DNER: variants seen among roughly 807,000 people sequenced by gnomAD.
DNER encodes the protein delta/notch like EGF repeat containing.
In DNER, 33 loss-of-function variants were observed where a neutral mutation model predicts 78.2. That is an observed-to-expected ratio of 0.42 (90% CI 0.32 to 0.56). DNER has a LOEUF of 0.56. Ranked by LOEUF, DNER falls within the 20% of genes least tolerant of loss-of-function variation. The probability of loss-of-function intolerance (pLI) is 0.11; values close to 1 mark genes in which losing one functional copy is unlikely to be tolerated. For synonymous variants in DNER, 417 were observed against 384.8 expected (o/e 1.08, Z -0.98); for missense variants, 918 against 975.3 (o/e 0.94, Z 0.78).
At chr2:229,396,074 A>G (rs60861204) in intron 10 of DNER, among the ~76,000 whole-genome samples, 5,118 of 152,286 alleles carry the variant, frequency 0.034, 133 homozygotes, top group African/African-American at 0.073. Context: ...TTGGATTGAC[A>G]GTCTAAAGGG....
At chr2:229,621,198 C>T (rs1486982904) in intron 1 of DNER, among the ~76,000 whole-genome samples, 2 of 152,168 alleles carry the variant, frequency 1.3e-5, no homozygotes, top group African/African-American at 4.8e-5. Context: ...TACATGAGTA[C>T]GCCTACCATC....
chr2:229,451,938 A>G (rs1452000850), intron 7 of DNER, among the ~76,000 whole-genome samples: 1 of 152,252 alleles, frequency 6.6e-6, no homozygotes, highest in East Asian at 1.9e-4. Context: ...AGAATAGTCC[A>G]AGTAGAAATA....
At chr2:229,487,968 G>A (rs1404067944) in intron 6 of DNER, among the ~76,000 whole-genome samples, 1 of 152,224 alleles carries the variant, frequency 6.6e-6, no homozygotes, top group Non-Finnish European at 1.5e-5. Flanking sequence ...CACTGACATG[G>A]CATCTTCAAA....
At chr2:229,554,388 TC>T (rs1696807886) in intron 4 of DNER, among the ~76,000 whole-genome samples, 2 of 152,040 alleles carry the variant, frequency 1.3e-5, no homozygotes, top group Non-Finnish European at 2.9e-5. Context: ...TGAAACCTCG[TC>T]CCTACAAAAA....
At chr2:229,623,043 C>T (rs1698277252) in intron 1 of DNER, among the ~76,000 whole-genome samples, 1 of 152,316 alleles carries the variant, frequency 6.6e-6, no homozygotes, top group East Asian at 1.9e-4. Context: ...CTCATCCTTA[C>T]TCCTCCACCC....
chr2:229,541,388 T>C (rs1696510488), intron 5 of DNER, among the ~76,000 whole-genome samples: 1 of 152,206 alleles, frequency 6.6e-6, no homozygotes, highest in Non-Finnish European at 1.5e-5. Context: ...AGTGCCCAGA[T>C]ATTTGGTCAA....
At chr2:229,639,006 G>T (rs770319572) in intron 1 of DNER, among the ~76,000 whole-genome samples, 27 of 152,172 alleles carry the variant, frequency 1.8e-4, no homozygotes, top group Non-Finnish European at 3.5e-4. Flanking sequence ...CAGAGCCCCT[G>T]GGGAATTCCT....
intron 1 of DNER, among the ~76,000 whole-genome samples, chr2:229,657,844 A>G (rs1465073253): frequency 6.6e-6 from 1 of 152,174 alleles, no homozygotes; most frequent in Non-Finnish European, 1.5e-5. Context: ...TCCATTCAGG[A>G]GTGCGATGAT....
At chr2:229,503,327 TGCTGGACTA>T (rs1296800626) in intron 6 of DNER, among the ~76,000 whole-genome samples, 43 of 152,222 alleles carry the variant, frequency 2.8e-4, no homozygotes, top group African/African-American at 8.7e-4. Context: ...GAGAGGCCCT[TGCTGGACTA>T]GCATTGTTAC....
At chr2:229,592,878 G>A (rs1001535178) in intron 1 of DNER, among the ~76,000 whole-genome samples, 2 of 152,116 alleles carry the variant, frequency 1.3e-5, no homozygotes, top group African/African-American at 4.8e-5. Context: ...ACAGAGAAGT[G>A]GGACCCTCAC....
intron 5 of DNER, among the ~76,000 whole-genome samples, chr2:229,544,833 C>T (rs558022198): frequency 6.6e-6 from 1 of 152,104 alleles, no homozygotes; most frequent in Non-Finnish European, 1.5e-5. Flanking sequence ...TGCACCTGGC[C>T]GGAAAATGCT....
At chr2:229,683,207 C>G (rs144003259) in intron 1 of DNER, among the ~76,000 whole-genome samples, 7 of 152,254 alleles carry the variant, frequency 4.6e-5, no homozygotes, top group Admixed American at 3.9e-4. Flanking sequence ...GCCCCTACCC[C>G]CCTCTTAGAT....
rs1016757940 is a variant in DNER at position 229,417,959 on chromosome 2, T to C, written c.1609+149A>G. 1.3e-5 allele frequency: 16 copies of C among 1,273,686 alleles called. No individual in the cohort carries two copies. The East Asian group carries it at 3.7e-4, about 30-fold the overall frequency. The allele number at this position is 1,273,686 out of a possible 1,614,324, so 78.9% of individuals were successfully genotyped here. A position where few individuals can be genotyped will look rare whatever the true frequency, so the allele number is the denominator to read the frequency against. On this transcript the variant is annotated intron_variant, in intron 9 of 12. Coordinates refer to ENST00000341772, the MANE Select transcript of DNER (RefSeq NM_139072.4). The stretch of plus-strand genomic sequence containing the variant: ...GAAACCAGAGACTTGCAAATTGGTC[T>C]CCTTGGACCGATTAATCATGCCAGC...
chr2:229,546,083 G>A (rs1289042357), intron 5 of DNER, among the ~76,000 whole-genome samples: 2 of 152,136 alleles, frequency 1.3e-5, no homozygotes, highest in East Asian at 3.8e-4. Flanking sequence ...CTACACAAAT[G>A]CATTACAATT....
chr2:229,615,211 A>G (rs1039468801), intron 1 of DNER, among the ~76,000 whole-genome samples: 90 of 151,684 alleles, frequency 5.9e-4, no homozygotes, highest in Non-Finnish European at 7.5e-4. Flanking sequence ...CAGGAGTTTG[A>G]GACCAGCCTG....
Position 229,390,889 on chromosome 2 carries a change from G to C in DNER, c.1724-2493C>G, listed in dbSNP as rs1040858025. On this transcript the variant is annotated intron_variant, in intron 10 of 12. Transcript: ENST00000341772. ...GATGGACACTCCTATGCATCTAGTT[G>C]AATCAGTTATTCCTTGGGTTTATTG... 2.6e-5 allele frequency among the ~76,000 whole-genome samples: 4 copies of C among 152,290 alleles called. No individual in the cohort carries two copies. In the South Asian group the frequency reaches 6.2e-4, roughly 24 times the overall value.
intron 1 of DNER, among the ~76,000 whole-genome samples, chr2:229,692,966 A>G (rs966177288): frequency 1.9e-4 from 29 of 152,114 alleles, no homozygotes; most frequent in Non-Finnish European, 4.3e-4. Flanking sequence ...ATCTCAATGC[A>G]CTGCTATATG....
At chr2:229,486,936 G>A (rs902880039) in intron 6 of DNER, among the ~76,000 whole-genome samples, 24 of 152,180 alleles carry the variant, frequency 1.6e-4, no homozygotes, top group African/African-American at 4.6e-4. Flanking sequence ...AAGTCCTACA[G>A]GTGATACTAA....
chr2:229,608,044 T>C (rs994017923), intron 1 of DNER, among the ~76,000 whole-genome samples: 1 of 94,576 alleles, frequency 1.1e-5, no homozygotes, highest in African/African-American at 3.8e-5. Flanking sequence ...AAAAAAAAAG[T>C]AGTGTAGGAA....
Sources: gnomAD v4.1 joint callset for allele counts (sites outside exome capture counted in the v4.1 genomes callset) on GRCh38, gnomAD v4.1.1 for gene constraint, MANE v1.5 for transcripts, NCBI Gene and HGNC (gene_info 2026-07-23, HGNC 2026-07-21) for gene names.